The following SLC2A13 variants were observed in gnomAD, a reference collection of about 807,000 sequenced individuals.
SLC2A13 encodes proton myo-inositol cotransporter.
Under a neutral mutation model 64.4 loss-of-function variants are expected in SLC2A13, and 32 were observed. The ratio of observed to expected loss-of-function variants is 0.50; its 90% CI spans 0.37 to 0.67. SLC2A13 has a LOEUF of 0.67. Among genes scored for constraint, SLC2A13 ranks in the 30% least tolerant of loss-of-function variants. The probability of loss-of-function intolerance (pLI) is 0.00; values close to 1 mark genes in which losing one functional copy is unlikely to be tolerated. For missense variants in SLC2A13, 743 were observed against 829.2 expected (o/e 0.90, Z 1.28); for synonymous variants, 338 against 327.1 (o/e 1.03, Z -0.36).
intron 7 of SLC2A13, among the ~76,000 whole-genome samples, chr12:39,771,191 G>T (rs1277910770): frequency 6.6e-6 from 1 of 152,144 alleles, no homozygotes; most frequent in Non-Finnish European, 1.5e-5. Flanking sequence ...AGACTCTAGA[G>T]TAACCCTGAT....
chr12:40,089,238 T>C (rs1232741174), intron 1 of SLC2A13, among the ~76,000 whole-genome samples: 1 of 152,136 alleles, frequency 6.6e-6, no homozygotes, highest in Non-Finnish European at 1.5e-5. Flanking sequence ...CTTGATTTCA[T>C]AACAAAAGAC....
intron 3 of SLC2A13, among the ~76,000 whole-genome samples, chr12:39,954,065 C>T (rs1408485151): frequency 1.3e-5 from 2 of 152,176 alleles, no homozygotes; most frequent in African/African-American, 4.8e-5. Context: ...TCCCTTTCTA[C>T]ATGAATCAAC....
At chr12:39,997,540 C>T (rs963138465) in intron 3 of SLC2A13, among the ~76,000 whole-genome samples, 1 of 152,122 alleles carries the variant, frequency 6.6e-6, no homozygotes, top group African/African-American at 2.4e-5. Context: ...GCAAGAATTG[C>T]CATAATCAGG....
At chr12:40,068,065 A>G (rs1156516947) in intron 1 of SLC2A13, among the ~76,000 whole-genome samples, 1 of 151,972 alleles carries the variant, frequency 6.6e-6, no homozygotes, top group Non-Finnish European at 1.5e-5. Flanking sequence ...TACCATGCCC[A>G]GCTATTTATT....
chr12:40,024,878 G>A (rs545313122), intron 3 of SLC2A13, among the ~76,000 whole-genome samples: 9 of 152,026 alleles, frequency 5.9e-5, no homozygotes, highest in South Asian at 2.1e-4. Context: ...AAACTGAGGC[G>A]CGGCAACTCT....
At chr12:39,876,298 A>G (rs948045699) in intron 4 of SLC2A13, among the ~76,000 whole-genome samples, 2 of 152,240 alleles carry the variant, frequency 1.3e-5, no homozygotes, top group African/African-American at 4.8e-5. Flanking sequence ...TTTGGAAATG[A>G]CAGTCTATCC....
intron 1 of SLC2A13, among the ~76,000 whole-genome samples, chr12:40,048,699 T>C (rs1007766182): frequency 1.3e-5 from 2 of 152,190 alleles, no homozygotes; most frequent in African/African-American, 4.8e-5. Context: ...GAAATTCATA[T>C]AATAAATCAC....
intron 1 of SLC2A13, among the ~76,000 whole-genome samples, chr12:40,074,025 G>A (rs1938068026): frequency 6.6e-6 from 1 of 151,838 alleles, no homozygotes; most frequent in South Asian, 2.1e-4. Context: ...TGTCCCCATG[G>A]TTCTGATATT....
chr12:40,009,546 C>T (rs551460254), intron 3 of SLC2A13, among the ~76,000 whole-genome samples: 1 of 152,282 alleles, frequency 6.6e-6, no homozygotes, highest in Non-Finnish European at 1.5e-5. Context: ...TGTCCCACTT[C>T]AGCCACCCGA....
At chr12:39,955,308 C>A (rs1946297109) in intron 3 of SLC2A13, among the ~76,000 whole-genome samples, 1 of 152,034 alleles carries the variant, frequency 6.6e-6, no homozygotes, top group Admixed American at 6.6e-5. Flanking sequence ...AAACACATAG[C>A]CTATAAAAAT....
chr12:40,048,059 A>G lies in SLC2A13; in HGVS notation c.708T>C (p.Asp236=), dbSNP rs1352108598. Residue 236 remains aspartate (D), a synonymous_variant, in exon 2 of 10, where the codon GAT becomes GAC. Transcript: ENST00000280871. ...VDGAFSYLQK[D]GWRYMLGLAA... is the part of the protein sequence containing the mutation. ...AAAAAGTATTTACAAACCTCCATCC[A>G]TCCTTCTGGAGATAACTGAAGGCTC... 15 of 1,595,574 alleles carry G rather than the reference A, an allele frequency of 9.4e-6. No individual in the cohort carries two copies. The highest frequency in any genetic ancestry group is 1.2e-5 in the Non-Finnish European group (14 of 1,175,348).
At chr12:39,804,113 T>C (rs1274868594) in intron 7 of SLC2A13, among the ~76,000 whole-genome samples, 4 of 151,866 alleles carry the variant, frequency 2.6e-5, no homozygotes, top group African/African-American at 9.7e-5. Flanking sequence ...AGGCAGTTGG[T>C]TAGAGTGGTG....
intron 3 of SLC2A13, among the ~76,000 whole-genome samples, chr12:40,011,505 G>A (rs1179187311): frequency 6.6e-6 from 1 of 152,132 alleles, no homozygotes; most frequent in Non-Finnish European, 1.5e-5. Context: ...AGATTCAGGG[G>A]ATACATGTGC....
intron 7 of SLC2A13, among the ~76,000 whole-genome samples, chr12:39,826,606 AAAAAT>A (rs1322022668): frequency 6.6e-6 from 1 of 151,532 alleles, no homozygotes; most frequent in Non-Finnish European, 1.5e-5. Flanking sequence ...CTTTCTGAAA[AAAAAT>A]AAAAAGCAGA....
chr12:39,960,064 C>CT (rs1476733105), intron 3 of SLC2A13, among the ~76,000 whole-genome samples: 2 of 152,142 alleles, frequency 1.3e-5, no homozygotes, highest in African/African-American at 4.8e-5. Flanking sequence ...TTAGCATTGT[C>CT]TATAGACAGG....
At chr12:39,873,192 T>C (rs935033406) in intron 4 of SLC2A13, among the ~76,000 whole-genome samples, 2 of 152,324 alleles carry the variant, frequency 1.3e-5, no homozygotes, top group African/African-American at 4.8e-5. Flanking sequence ...CTATGTAGCA[T>C]GAAGGATGTG....
At chr12:40,082,844 G>A (rs1264554008) in intron 1 of SLC2A13, among the ~76,000 whole-genome samples, 1 of 152,136 alleles carries the variant, frequency 6.6e-6, no homozygotes, top group Non-Finnish European at 1.5e-5. Flanking sequence ...TATTTCACTC[G>A]CCCATTCCCC....
rs1363432280 is a variant in SLC2A13 at position 39,790,658 on chromosome 12, T to G, written c.1446-25800A>C. On this transcript the variant is annotated intron_variant, in intron 7 of 9. Transcript: ENST00000280871. ...GGTTGGTTCCAAGTCTTTGCTATTG[T>G]GAATAATGCCGCAATAAACATACGT... 2.1e-3 allele frequency among the ~76,000 whole-genome samples: 253 copies of G among 117,728 alleles called. 2 individuals carry two copies. Among genetic ancestry groups the G allele is most frequent in the African/African-American group, 7.7e-3 (236 of 30,514 alleles). 77.2% of individuals were successfully genotyped at this position (117,728 alleles called of 152,430 possible).
intron 3 of SLC2A13, among the ~76,000 whole-genome samples, chr12:40,012,595 C>T (rs1008910276): frequency 1.3e-5 from 2 of 152,132 alleles, no homozygotes; most frequent in African/African-American, 4.8e-5. Context: ...AGCTTAATAT[C>T]ATCAGTCTGG....
Sources: gnomAD v4.1 joint callset for allele counts (sites outside exome capture counted in the v4.1 genomes callset) on GRCh38, gnomAD v4.1.1 for gene constraint, MANE v1.5 for transcripts, NCBI Gene and HGNC (gene_info 2026-07-23, HGNC 2026-07-21) for gene names.